Variants in NELL1 observed in about 807,000 individuals in gnomAD.
The protein encoded by NELL1 is protein kinase C-binding protein NELL1.
In NELL1, 76 loss-of-function variants were observed where a neutral mutation model predicts 107.4. That is an observed-to-expected ratio of 0.71 (90% confidence interval 0.59 to 0.86). The LOEUF (loss-of-function observed/expected upper bound fraction) is 0.86, where lower values mean the gene tolerates loss of function less well. Among genes scored for constraint, NELL1 ranks in the 40% least tolerant of loss-of-function variants. The pLI is 0.00. For synonymous variants in NELL1, 353 were observed against 341.2 expected (o/e 1.03, Z -0.38); for missense variants, 1,024 against 1,005.5 (o/e 1.02, Z -0.25).
intron 13 of NELL1, among the ~76,000 whole-genome samples, chr11:21,121,726 T>A (rs980692076): frequency 6.6e-6 from 1 of 152,148 alleles, no homozygotes; most frequent in Non-Finnish European, 1.5e-5. Flanking sequence ...CAAACACTTT[T>A]GTGACTGGAC....
intron 13 of NELL1, among the ~76,000 whole-genome samples, chr11:21,163,232 C>A (rs1288807416): frequency 6.6e-6 from 1 of 152,172 alleles, no homozygotes; most frequent in Non-Finnish European, 1.5e-5. Flanking sequence ...GGAAGACAGG[C>A]AGACTCAGGT....
intron 15 of NELL1, among the ~76,000 whole-genome samples, chr11:21,402,739 C>T (rs1291245366): frequency 6.6e-6 from 1 of 150,794 alleles, no homozygotes; most frequent in Non-Finnish European, 1.5e-5. Flanking sequence ...TAAGCTTTAT[C>T]TCCTATGATG....
chr11:20,751,021 CTA>C (rs201012282), intron 2 of NELL1, among the ~76,000 whole-genome samples: 6,452 of 143,104 alleles, frequency 0.045, 453 homozygotes, highest in African/African-American at 0.16. Context: ...AATTATTTGT[CTA>C]TGTGTGTGTG....
At chr11:21,325,580 A>G (rs1850113068) in intron 14 of NELL1, among the ~76,000 whole-genome samples, 1 of 151,832 alleles carries the variant, frequency 6.6e-6, no homozygotes, top group Non-Finnish European at 1.5e-5. Flanking sequence ...CCATTTCTAT[A>G]CTGGTCCTTT....
intron 5 of NELL1, among the ~76,000 whole-genome samples, chr11:20,911,397 T>C (rs1469423261): frequency 6.6e-6 from 1 of 152,118 alleles, no homozygotes; most frequent in Admixed American, 6.6e-5. Context: ...GCAATTGGAC[T>C]CAGATTAAGT....
intron 9 of NELL1, among the ~76,000 whole-genome samples, chr11:20,929,193 A>G (rs974339941): frequency 1.1e-4 from 16 of 152,200 alleles, no homozygotes; most frequent in Admixed American, 6.5e-5. Context: ...TTATCAGTCC[A>G]TATGGTCCTC....
At chr11:21,254,471 G>C (rs922330449) in intron 14 of NELL1, among the ~76,000 whole-genome samples, 3 of 152,028 alleles carry the variant, frequency 2.0e-5, no homozygotes, top group Admixed American at 6.6e-5. Flanking sequence ...GGTAACATTT[G>C]CTCAATTTAT....
chr11:21,484,164 C>T (rs1404000300), intron 15 of NELL1, among the ~76,000 whole-genome samples: 1 of 149,916 alleles, frequency 6.7e-6, no homozygotes, highest in Non-Finnish European at 1.5e-5. Context: ...TCCAAACTTT[C>T]CATAGTTTTT....
intron 15 of NELL1, among the ~76,000 whole-genome samples, chr11:21,513,401 T>A: frequency 6.6e-6 from 1 of 152,194 alleles, no homozygotes; most frequent in Non-Finnish European, 1.5e-5. Context: ...TCTGTGTGTG[T>A]GAGAGAGACA....
intron 14 of NELL1, among the ~76,000 whole-genome samples, chr11:21,310,352 C>A (rs1849724286): frequency 6.6e-6 from 1 of 151,996 alleles, no homozygotes; most frequent in African/African-American, 2.4e-5. Context: ...TAGTGCTATG[C>A]AAGGAGTAAT....
chr11:21,524,540 C>T (rs1012504295), intron 15 of NELL1, among the ~76,000 whole-genome samples: 7 of 151,960 alleles, frequency 4.6e-5, no homozygotes, highest in African/African-American at 7.3e-5. Context: ...AAAACAATCA[C>T]TTGCAGGGCG....
At chr11:20,956,798 A>G (rs1433011980) in intron 11 of NELL1, among the ~76,000 whole-genome samples, 2 of 152,230 alleles carry the variant, frequency 1.3e-5, no homozygotes, top group African/African-American at 2.4e-5. Flanking sequence ...AGAACACAGT[A>G]TGTGATATAG....
At chr11:20,755,417 C>G (rs1051984770) in intron 2 of NELL1, among the ~76,000 whole-genome samples, 2 of 152,054 alleles carry the variant, frequency 1.3e-5, no homozygotes, top group Non-Finnish European at 2.9e-5. Context: ...GAAACCAAAA[C>G]TGAAAGGATG....
At chr11:21,424,336 G>C (rs1271514511) in intron 15 of NELL1, among the ~76,000 whole-genome samples, 1 of 152,044 alleles carries the variant, frequency 6.6e-6, no homozygotes, top group African/African-American at 2.4e-5. Context: ...CTGTATGCCA[G>C]CGGGCCAGGC....
At chr11:20,784,178 A>C (rs547642093) in intron 3 of NELL1, among the ~76,000 whole-genome samples, 51 of 152,360 alleles carry the variant, frequency 3.3e-4, no homozygotes, top group Non-Finnish European at 5.3e-4. Flanking sequence ...TATACTTGAC[A>C]CTGGGAATAT....
intron 2 of NELL1, among the ~76,000 whole-genome samples, chr11:20,722,177 C>G (rs1199838727): frequency 2.0e-5 from 3 of 152,038 alleles, no homozygotes; most frequent in Non-Finnish European, 4.4e-5. Context: ...TGTGCCACAA[C>G]ACCCAGCTAA....
At chr11:20,718,538 C>G (rs888249728) in intron 2 of NELL1, among the ~76,000 whole-genome samples, 8 of 151,840 alleles carry the variant, frequency 5.3e-5, no homozygotes, top group Non-Finnish European at 1.0e-4. Flanking sequence ...AGGCACAGTA[C>G]TGGGTACTGG....
At chr11:20,772,613 TTTCATTCA>T (rs3045564) in intron 2 of NELL1, among the ~76,000 whole-genome samples, 3 of 150,932 alleles carry the variant, frequency 2.0e-5, no homozygotes, top group Admixed American at 6.6e-5. Context: ...ATTAGGCACT[TTTCATTCA>T]TTCATTCATT....
At chr11:21,114,730 A>T (rs1174872032) in intron 13 of NELL1, among the ~76,000 whole-genome samples, 1 of 152,008 alleles carries the variant, frequency 6.6e-6, no homozygotes, top group Non-Finnish European at 1.5e-5. Context: ...ATAAAGTCAC[A>T]TCTCACTTAT....
Sources: gnomAD v4.1 joint callset for allele counts (sites outside exome capture counted in the v4.1 genomes callset) on GRCh38, gnomAD v4.1.1 for gene constraint, MANE v1.5 for transcripts, NCBI Gene and HGNC (gene_info 2026-07-23, HGNC 2026-07-21) for gene names.